Variants in CLDN10 observed in about 807,000 individuals in gnomAD.
CLDN10 encodes the protein claudin-10.
In CLDN10, 15 loss-of-function variants were observed where a neutral mutation model predicts 22.9. That is an observed-to-expected ratio of 0.65 (90% confidence interval 0.44 to 1.01). The LOEUF is 1.01. Ranked by LOEUF, CLDN10 falls within the 50% of genes least tolerant of loss-of-function variation. CLDN10 has a pLI of 0.00. For synonymous variants in CLDN10, 114 were observed against 111.4 expected (o/e 1.02, Z -0.15); for missense variants, 247 against 287.8 (o/e 0.86, Z 1.03).
intron 1 of CLDN10, among the ~76,000 whole-genome samples, chr13:95,517,568 T>G (rs2138577153): frequency 6.6e-6 from 1 of 152,348 alleles, no homozygotes; most frequent in South Asian, 2.1e-4. Context: ...GATTGTATCT[T>G]GACATCACAC....
chr13:95,496,620 G>A (rs1013507772), intron 1 of CLDN10, among the ~76,000 whole-genome samples: 19 of 152,222 alleles, frequency 1.2e-4, no homozygotes, highest in African/African-American at 4.6e-4. Context: ...CACTCCTCCT[G>A]GCCTGCAGAT....
chr13:95,572,618 C>T (rs2043877802), intron 3 of CLDN10, among the ~76,000 whole-genome samples: 1 of 152,138 alleles, frequency 6.6e-6, no homozygotes, highest in South Asian at 2.1e-4. Context: ...TTGACTTGAA[C>T]CACATCTGAG....
chr13:95,569,259 G>T (rs946394746), intron 3 of CLDN10, among the ~76,000 whole-genome samples: 1 of 152,138 alleles, frequency 6.6e-6, no homozygotes, highest in African/African-American at 2.4e-5. Context: ...CTCTCAAGTA[G>T]AAGGCACGTT....
At chr13:95,453,887 G>C (rs1024833121) in intron 1 of CLDN10, among the ~76,000 whole-genome samples, 6 of 152,024 alleles carry the variant, frequency 3.9e-5, no homozygotes, top group Admixed American at 3.3e-4. Flanking sequence ...GGCCAAGGCG[G>C]GCGGATCACC....
chr13:95,506,434 G>T (rs762440669), intron 1 of CLDN10, among the ~76,000 whole-genome samples: 2 of 152,166 alleles, frequency 1.3e-5, no homozygotes, highest in Admixed American at 6.6e-5. Context: ...CAAAAGGAAA[G>T]GTATCTCCAT....
At chr13:95,445,577 T>C (rs1019170213) in intron 1 of CLDN10, among the ~76,000 whole-genome samples, 2 of 152,204 alleles carry the variant, frequency 1.3e-5, no homozygotes, top group Admixed American at 1.3e-4. Context: ...GCCAGGAAAC[T>C]TGATGGGCAG....
intron 1 of CLDN10, among the ~76,000 whole-genome samples, chr13:95,457,662 G>A (rs2042496027): frequency 6.6e-6 from 1 of 152,054 alleles, no homozygotes; most frequent in Admixed American, 6.6e-5. Context: ...CAGTTTCGCT[G>A]GGGATGCCAC....
intron 1 of CLDN10, among the ~76,000 whole-genome samples, chr13:95,439,179 C>T (rs2042300848): frequency 6.6e-6 from 1 of 151,958 alleles, no homozygotes; most frequent in African/African-American, 2.4e-5. Context: ...CTGGGTAATT[C>T]ACCAACATCA....
At chr13:95,534,176 A>G (rs936180647) in intron 1 of CLDN10, among the ~76,000 whole-genome samples, 2 of 152,190 alleles carry the variant, frequency 1.3e-5, no homozygotes, top group African/African-American at 2.4e-5. Flanking sequence ...TTCTCATTAT[A>G]TCCCCAGCAA....
intron 1 of CLDN10, among the ~76,000 whole-genome samples, chr13:95,503,143 T>C (rs2043003440): frequency 6.6e-6 from 1 of 152,158 alleles, no homozygotes; most frequent in Admixed American, 6.5e-5. Flanking sequence ...TATTTGCCCA[T>C]TGGAGATATT....
chr13:95,570,385 A>G (rs775969233), intron 3 of CLDN10, among the ~76,000 whole-genome samples: 30 of 152,340 alleles, frequency 2.0e-4, no homozygotes, highest in Admixed American at 1.3e-4. Flanking sequence ...GAATTGAACT[A>G]TGTGACTTTT....
intron 1 of CLDN10, among the ~76,000 whole-genome samples, chr13:95,529,947 T>G (rs2043323233): frequency 2.0e-5 from 3 of 152,200 alleles, no homozygotes; most frequent in Admixed American, 2.0e-4. Context: ...GATATAATTA[T>G]TATAGAAGGT....
chr13:95,577,821 C>A, intron 4 of CLDN10, 79 bp from the exon 5 acceptor site: 2 of 810,182 alleles, frequency 2.5e-6, no homozygotes, highest in African/African-American at 1.7e-5. Context: ...TTGGCAGAGA[C>A]AGGCCGAAAC....
chr13:95,441,210 G>A (rs1390676443), intron 1 of CLDN10, among the ~76,000 whole-genome samples: 1 of 152,194 alleles, frequency 6.6e-6, no homozygotes, highest in African/African-American at 2.4e-5. Context: ...GAAAGTCCTA[G>A]GGAAGTGTTT....
At chr13:95,499,108 G>T (rs2042957563) in intron 1 of CLDN10, among the ~76,000 whole-genome samples, 1 of 152,168 alleles carries the variant, frequency 6.6e-6, no homozygotes, top group African/African-American at 2.4e-5. Context: ...GCCACATCTT[G>T]TTTATCCATT....
intron 1 of CLDN10, among the ~76,000 whole-genome samples, chr13:95,559,073 G>A (rs894781675): frequency 6.6e-6 from 1 of 151,944 alleles, no homozygotes. Context: ...TGACACATAA[G>A]AGGTTTTTTC....
chr13:95,448,892 A>C (rs942278890), intron 1 of CLDN10, among the ~76,000 whole-genome samples: 1 of 140,108 alleles, frequency 7.1e-6, no homozygotes, highest in Non-Finnish European at 1.6e-5. Context: ...GGCGCATGCC[A>C]CCACGCCCAG....
At chr13:95,454,666 T>C (rs1230787121) in intron 1 of CLDN10, among the ~76,000 whole-genome samples, 1 of 152,062 alleles carries the variant, frequency 6.6e-6, no homozygotes, top group East Asian at 1.9e-4. Context: ...TGTGGAAGGA[T>C]GAAGGGAGGG....
At chr13:95,513,174 C>G (rs910443220) in intron 1 of CLDN10, among the ~76,000 whole-genome samples, 3 of 152,180 alleles carry the variant, frequency 2.0e-5, no homozygotes, top group African/African-American at 4.8e-5. Context: ...GCCAACATGC[C>G]CAGTCCAATA....
Sources: gnomAD v4.1 joint callset for allele counts (sites outside exome capture counted in the v4.1 genomes callset) on GRCh38, gnomAD v4.1.1 for gene constraint, MANE v1.5 for transcripts, NCBI Gene and HGNC (gene_info 2026-07-23, HGNC 2026-07-21) for gene names.